Variants in GTPBP6 observed in about 807,000 individuals in gnomAD.
GTPBP6 encodes the protein putative GTP-binding protein 6.
In GTPBP6, 33 loss-of-function variants were observed where a neutral mutation model predicts 28.9. The observed-to-expected ratio is 1.14, with a 90% CI of 0.87 to 1.53. The LOEUF is 1.53. Among genes scored for constraint, GTPBP6 ranks in the 40% most tolerant of loss-of-function variants. GTPBP6 has a pLI of 0.00. For missense variants in GTPBP6, 507 were observed against 408.3 expected (o/e 1.24, Z -2.08); for synonymous variants, 231 against 192.7 (o/e 1.20, Z -1.65).
In GTPBP6 at chrX:307,461, G is replaced by A. The variant is rs370370006; in HGVS notation, c.1326C>T (p.His442=). 5.0e-5 allele frequency: 81 copies of A among 1,611,716 alleles called. No individual in the cohort carries two copies. The South Asian group carries it at 5.9e-4, about 12-fold the overall frequency. ...GCTCAGCTTTCAGCTCCTGGAGCCCGTGGCCCCGCAGGGCAGACACGGGCA... is the reference window on the plus strand; with the variant it reads ...GCTCAGCTTTCAGCTCCTGGAGCCCATGGCCCCGCAGGGCAGACACGGGCA... The change falls in exon 9 of 10, where the codon CAC becomes CAT. Residue 442 remains histidine (H), a synonymous_variant. Coordinates refer to ENST00000326153, the Ensembl canonical transcript of GTPBP6.
chrX:314,217 C>G (rs991988021), exon 5 of GTPBP6: 3 of 1,612,954 alleles, frequency 1.9e-6, no homozygotes, highest in African/African-American at 2.7e-5. Context: ...TCAAGTTCGA[C>G]CTGGTGTGGG....
At position 311,370 on chromosome X, in the gene GTPBP6, G is replaced by A. The variant is rs372038400; in HGVS notation, c.1125+49C>T. On this transcript the variant is annotated intron_variant, in intron 7 of 9. Coordinates refer to ENST00000326153, the Ensembl canonical transcript of GTPBP6. ...GTGTGTGTCTGAGTGCCCAGCCCCCGTGCCGAATGGGTGTCCGAGCACCCG... is the reference window on the plus strand; with the variant it reads ...GTGTGTGTCTGAGTGCCCAGCCCCCATGCCGAATGGGTGTCCGAGCACCCG... 55 of 1,363,198 alleles carry A rather than the reference G, an allele frequency of 4.0e-5. 1 individual carries two copies. The African/African-American group carries it at 6.1e-4, about 15-fold the overall frequency. The allele number at this position is 1,363,198 out of a possible 1,614,324, so 84.4% of individuals were successfully genotyped here. A position where few individuals can be genotyped will look rare whatever the true frequency, so the allele number is the denominator to read the frequency against.
rs1381812763 is a variant in GTPBP6 at position 314,915 on chromosome X, C to T, written c.664G>A (p.Ala222Thr). 6.8e-5 allele frequency: 27 copies of T among 398,782 alleles called. No homozygotes were observed. The South Asian group carries it at 3.1e-3, about 45-fold the overall frequency. 24.7% of individuals were successfully genotyped at this position (398,782 alleles called of 1,614,324 possible). A position where few individuals can be genotyped will look rare whatever the true frequency, so the allele number is the denominator to read the frequency against. Residue 222 changes from alanine to threonine, a missense_variant, in exon 4 of 10, where the codon GCC becomes ACC. Coordinates refer to ENST00000326153, the Ensembl canonical transcript of GTPBP6. Reference sequence around the variant, plus strand: ...CTGTGCAGCGGCATCTCCGCCAGGGCCACCTGAAGCCGGGCCTCCTTCGTG... The same window carrying T: ...CTGTGCAGCGGCATCTCCGCCAGGGTCACCTGAAGCCGGGCCTCCTTCGTG...
intron 4 of GTPBP6, among the ~76,000 whole-genome samples, chrX:314,561 C>T (rs765534177): frequency 6.6e-6 from 1 of 152,128 alleles, no homozygotes; most frequent in African/African-American, 2.4e-5. Context: ...CAAGCTCCAC[C>T]TCTGGGGTTC....
intron 2 of GTPBP6, among the ~76,000 whole-genome samples, chrX:316,502 G>A (rs2070443483): frequency 6.6e-6 from 1 of 152,162 alleles, no homozygotes; most frequent in African/African-American, 2.4e-5. Flanking sequence ...ACTGGAAGCG[G>A]GATGGTCAGA....
At chrX:308,732 CTTTT>C (rs1164566238) in intron 7 of GTPBP6, among the ~76,000 whole-genome samples, 6 of 109,482 alleles carry the variant, frequency 5.5e-5, no homozygotes, top group South Asian at 6.5e-4. Flanking sequence ...GAAAGTTTTA[CTTTT>C]TTTTTTTTTT....
At chrX:307,913 A>G (rs775508462) in intron 7 of GTPBP6, 33 bp from the exon 8 acceptor site, 53 of 1,469,632 alleles carry the variant, frequency 3.6e-5, no homozygotes, top group Non-Finnish European at 4.6e-5. Flanking sequence ...AGAGCTGCGG[A>G]GCCTCTGGTC....
intron 9 of GTPBP6, 79 bp downstream of exon 9, chrX:307,281 A>C (rs985086866): frequency 7.4e-7 from 1 of 1,348,582 alleles, no homozygotes; most frequent in Non-Finnish European, 1.0e-6. Context: ...CTCCTTGTGC[A>C]CCCACGAAGA....
chrX:318,672 A>G, exon 1 of GTPBP6: 2 of 395,296 alleles, frequency 5.1e-6, no homozygotes. Context: ...CCTGCGGCCG[A>G]CAGCGGCTAG....
At chrX:304,763 A>AACAAG (rs2070117029) in exon 10 of GTPBP6, 2 of 1,229,386 alleles carry the variant, frequency 1.6e-6, no homozygotes, top group Admixed American at 8.1e-5. Flanking sequence ...CGGAAGTAAA[A>AACAAG]TCAAAGGTTT....
At chrX:312,277 T>C (rs1478110846) in intron 6 of GTPBP6, 3 of 434,390 alleles carry the variant, frequency 6.9e-6, no homozygotes, top group African/African-American at 4.1e-5. Flanking sequence ...AAAGGGAACA[T>C]TGTGGTGTAC....
At chrX:310,445 T>C (rs867216857) in intron 7 of GTPBP6, among the ~76,000 whole-genome samples, 2,300 of 105,902 alleles carry the variant, frequency 0.022, no homozygotes, top group South Asian at 0.043. Flanking sequence ...TGAACTGAAC[T>C]GTGGCCCCCC....
chrX:317,501 C>A (rs1262346371), intron 1 of GTPBP6, among the ~76,000 whole-genome samples: 1 of 140,604 alleles, frequency 7.1e-6, no homozygotes, highest in African/African-American at 2.8e-5. Context: ...AGGGAAAAAT[C>A]AACCTTTATG....
intron 9 of GTPBP6, 48 bp downstream of exon 9, chrX:307,310 GAC>G (rs776576095): frequency 2.0e-5 from 32 of 1,577,090 alleles, no homozygotes; most frequent in Non-Finnish European, 2.7e-5. Flanking sequence ...CAGAGCCAGA[GAC>G]AGGCATCCAA....
intron 1 of GTPBP6, among the ~76,000 whole-genome samples, chrX:317,900 G>A (rs1210810549): frequency 4.7e-5 from 1 of 21,306 alleles, no homozygotes; most frequent in African/African-American, 1.7e-4. Context: ...CTCCTCCCCC[G>A]AACCCCACCC....
Position 311,596 on chromosome X carries a change from G to A in GTPBP6, c.948C>T (p.Gly316=), listed in dbSNP as rs375499069. Residue 316 remains glycine, a synonymous_variant, in exon 7 of 10, where the codon GGC becomes GGT. Transcript: ENST00000326153. ...GGTCCCGTGGCTGGATGGCGGCATC[G>A]CCCGTCAGTGCCTTGATCAGCGTGG... 5.0e-5 allele frequency: 81 copies of A among 1,612,138 alleles called. 1 individual carries two copies. The highest frequency in any genetic ancestry group is 2.8e-4 in the African/African-American group (21 of 74,994).
chrX:307,379 G>A (rs748289136), exon 9 of GTPBP6: 1 of 1,612,398 alleles, frequency 6.2e-7, no homozygotes, highest in Admixed American at 1.7e-5. Context: ...GCCCCTGCGA[G>A]CCTCACACGG....
rs758725909 is a variant in GTPBP6 at position 311,763 on chromosome X, TCGGGCACCC to T, written c.917-145_917-137del. 14 of 728,320 alleles carry T rather than the reference TCGGGCACCC, an allele frequency of 1.9e-5. No individual in the cohort carries two copies. In the African/African-American group the frequency reaches 2.4e-4, roughly 13 times the overall value. The allele number at this position is 728,320 out of a possible 1,614,324, so 45.1% of individuals were successfully genotyped here. The stretch of plus-strand genomic sequence containing the variant: ...CCGGGCTACACGGTCCCTGAGCTCC[TCGGGCACCC>T]CGGGCCAGACCCGACGCGTGGGACA... On this transcript the variant is annotated intron_variant, in intron 6 of 9. Transcript: ENST00000326153.
intron 1 of GTPBP6, 108 bp downstream of exon 1, chrX:318,331 C>T: frequency 2.5e-6 from 1 of 395,520 alleles, no homozygotes; most frequent in Non-Finnish European, 4.5e-6. Context: ...TGAGATCGTC[C>T]CTTCAGAGCC....
Sources: allele counts gnomAD v4.1 joint callset (sites outside exome capture counted in the v4.1 genomes callset), GRCh38; gene constraint gnomAD v4.1.1; transcripts MANE v1.5; gene names NCBI Gene and HGNC (gene_info 2026-07-23, HGNC 2026-07-21).